The following SORCS3 variants were observed in gnomAD, a reference collection of about 807,000 sequenced individuals.
The protein encoded by SORCS3 is VPS10 domain-containing receptor SorCS3.
Under a neutral mutation model 146.3 loss-of-function variants are expected in SORCS3, and 57 were observed. The ratio of observed to expected loss-of-function variants is 0.39; its 90% CI spans 0.31 to 0.49. SORCS3 has a LOEUF of 0.49. Among genes scored for constraint, SORCS3 ranks in the 20% least tolerant of loss-of-function variants. SORCS3 has a pLI of 0.92. For missense variants in SORCS3, 1,341 were observed against 1,575.5 expected (o/e 0.85, Z 2.52); for synonymous variants, 653 against 618.5 (o/e 1.06, Z -0.83).
At chr10:105,017,885 C>T (rs975716293) in intron 4 of SORCS3, among the ~76,000 whole-genome samples, 5 of 152,314 alleles carry the variant, frequency 3.3e-5, no homozygotes, top group Non-Finnish European at 5.9e-5. Context: ...CACAATGGAC[C>T]AGCCTCTAAG....
At chr10:105,211,348 G>C in intron 17 of SORCS3, 98 bp downstream of exon 17, 1 of 813,778 alleles carries the variant, frequency 1.2e-6, no homozygotes. Flanking sequence ...ATGGAGTGAA[G>C]ATGGAGTCTG....
Position 104,673,419 on chromosome 10 carries a change from CGTGT to C in SORCS3, c.627+31490_627+31493del, listed in dbSNP as rs61501873. On this transcript the variant is annotated intron_variant, in intron 1 of 26. Transcript: ENST00000369701. Reference sequence around the variant, plus strand: ...AAAATGTAAGTTTATTTCTTATTTCCGTGTGTGTGTGTGTGTGTGTGTGTGTGTA... The same window carrying C: ...AAAATGTAAGTTTATTTCTTATTTCCGTGTGTGTGTGTGTGTGTGTGTGTA... Among the ~76,000 whole-genome samples the C allele has an allele frequency of 1.3e-3, 184 of 146,076 alleles. 1 individual carries two copies. Among genetic ancestry groups the C allele is most frequent in the South Asian group, 5.1e-3 (23 of 4,486 alleles).
intron 1 of SORCS3, among the ~76,000 whole-genome samples, chr10:104,813,941 T>C (rs2017767752): frequency 6.6e-6 from 1 of 151,580 alleles, no homozygotes; most frequent in Admixed American, 6.6e-5. Flanking sequence ...TTTTTTTTTT[T>C]TTTTTGCCAG....
intron 1 of SORCS3, among the ~76,000 whole-genome samples, chr10:104,680,039 G>A (rs992664998): frequency 1.2e-4 from 19 of 152,206 alleles, no homozygotes; most frequent in African/African-American, 4.3e-4. Context: ...CTGTCCTAAA[G>A]TATGTAAAGG....
At chr10:104,805,369 C>T (rs2017669383) in intron 1 of SORCS3, among the ~76,000 whole-genome samples, 3 of 152,182 alleles carry the variant, frequency 2.0e-5, no homozygotes, top group Non-Finnish European at 2.9e-5. Flanking sequence ...CAAGAAGGAA[C>T]ATGAGCACAG....
At chr10:105,061,709 C>T (rs1036271292) in intron 5 of SORCS3, among the ~76,000 whole-genome samples, 1 of 151,026 alleles carries the variant, frequency 6.6e-6, no homozygotes, top group African/African-American at 2.4e-5. Flanking sequence ...GGAACACCAC[C>T]ACCTTTGAGG....
chr10:105,182,075 GA>G (rs376694589), intron 14 of SORCS3, among the ~76,000 whole-genome samples: 21 of 148,830 alleles, frequency 1.4e-4, no homozygotes, highest in South Asian at 1.3e-3. Context: ...CAGCTTCCTA[GA>G]AAAAAAAAAT....
chr10:104,959,142 G>A (rs887103814), intron 3 of SORCS3, among the ~76,000 whole-genome samples: 3 of 152,116 alleles, frequency 2.0e-5, no homozygotes, highest in African/African-American at 7.2e-5. Flanking sequence ...AGATAGGTAA[G>A]ATAATAAAGT....
chr10:104,934,677 G>A (rs1048713744), intron 3 of SORCS3, among the ~76,000 whole-genome samples: 1 of 152,104 alleles, frequency 6.6e-6, no homozygotes, highest in African/African-American at 2.4e-5. Context: ...ACCACTTCTT[G>A]CCAAAGAGGT....
chr10:105,225,534 TCTC>T (rs1282893883), intron 20 of SORCS3, among the ~76,000 whole-genome samples: 1 of 152,030 alleles, frequency 6.6e-6, no homozygotes, highest in Non-Finnish European at 1.5e-5. Context: ...TCAACTTTGT[TCTC>T]CTTCAATTTT....
At chr10:105,143,894 C>G (rs768168110) in intron 8 of SORCS3, among the ~76,000 whole-genome samples, 17 of 152,106 alleles carry the variant, frequency 1.1e-4, no homozygotes, top group Admixed American at 2.6e-4. Flanking sequence ...GGTTCAGGCC[C>G]TCCTGAGTTA....
intron 1 of SORCS3, among the ~76,000 whole-genome samples, chr10:104,700,036 A>G (rs902630889): frequency 6.6e-6 from 1 of 152,220 alleles, no homozygotes; most frequent in Non-Finnish European, 1.5e-5. Flanking sequence ...ACCAGAATTA[A>G]GTCAAAGCAT....
At chr10:104,696,161 CATATA>C (rs1347744748) in intron 1 of SORCS3, among the ~76,000 whole-genome samples, 1 of 112,508 alleles carries the variant, frequency 8.9e-6, no homozygotes, top group African/African-American at 3.5e-5. Flanking sequence ...TATATATACA[CATATA>C]ATATATAATA....
At chr10:105,238,150 G>A (rs1464688945) in intron 20 of SORCS3, among the ~76,000 whole-genome samples, 1 of 152,144 alleles carries the variant, frequency 6.6e-6, no homozygotes, top group African/African-American at 2.4e-5. Flanking sequence ...CCAACTGTAG[G>A]CTCATGTGCC....
At chr10:104,852,487 A>G (rs2018283549) in intron 2 of SORCS3, among the ~76,000 whole-genome samples, 1 of 152,190 alleles carries the variant, frequency 6.6e-6, no homozygotes, top group South Asian at 2.1e-4. Context: ...AAATTTAAGA[A>G]AAGTCAGTTT....
intron 8 of SORCS3, among the ~76,000 whole-genome samples, chr10:105,141,990 T>A (rs371013609): frequency 6.6e-6 from 1 of 152,074 alleles, no homozygotes; most frequent in East Asian, 1.9e-4. Flanking sequence ...TAAGGAATGG[T>A]TTTGGTCTGG....
At chr10:105,108,796 T>G (rs1195046892) in intron 7 of SORCS3, among the ~76,000 whole-genome samples, 1 of 152,184 alleles carries the variant, frequency 6.6e-6, no homozygotes, top group Non-Finnish European at 1.5e-5. Context: ...AAGATTGAAA[T>G]ATGGTAAAAG....
chr10:105,058,600 C>T (rs2055462000), intron 5 of SORCS3, among the ~76,000 whole-genome samples: 1 of 152,170 alleles, frequency 6.6e-6, no homozygotes, highest in South Asian at 2.1e-4. Context: ...GAAAACACTT[C>T]ATGGACTCTG....
chr10:104,961,015 C>T (rs79098901), intron 3 of SORCS3, among the ~76,000 whole-genome samples: 9,027 of 152,172 alleles, frequency 0.059, 262 homozygotes, highest in African/African-American at 0.074. Context: ...TTTCCTCCTA[C>T]GCAGCTTCAA....
Sources: allele counts gnomAD v4.1 joint callset (sites outside exome capture counted in the v4.1 genomes callset), GRCh38; gene constraint gnomAD v4.1.1; transcripts MANE v1.5; gene names NCBI Gene and HGNC (gene_info 2026-07-23, HGNC 2026-07-21).